Variants in PRG4 observed in about 807,000 individuals in gnomAD.
PRG4 encodes articular superficial zone protein.
A neutral mutation model predicts 91.2 loss-of-function variants in PRG4; 61 were observed. The ratio of observed to expected loss-of-function variants is 0.67; its 90% CI spans 0.54 to 0.83. The LOEUF is 0.83. PRG4 is among the 40% of genes least tolerant of loss of function. The probability of loss-of-function intolerance (pLI) is 0.00; values close to 1 mark genes in which losing one functional copy is unlikely to be tolerated. For missense variants in PRG4, 1,564 were observed against 1,714.2 expected (o/e 0.91, Z 1.55); for synonymous variants, 576 against 614.2 (o/e 0.94, Z 0.92).
intron 6 of PRG4, 116 bp downstream of exon 6, chr1:186,305,038 T>G (rs1286969472): frequency 8.7e-7 from 1 of 1,151,792 alleles, no homozygotes; most frequent in Non-Finnish European, 1.2e-6. Flanking sequence ...GGAATATAAC[T>G]TTATGAATAT....
Position 186,303,995 on chromosome 1 carries a change from A to C in PRG4, c.320-113A>C. ...TCGTGTTGAGCTGGAGCCTGCCTGC[A>C]CTGGCTGTCACCAGCATCTACTCTT... On this transcript the variant is annotated intron_variant, in intron 4 of 12. Transcript: ENST00000445192. 3 of 1,131,426 alleles carry C rather than the reference A, an allele frequency of 2.7e-6. No homozygotes were observed. The East Asian group carries it at 7.1e-5, about 27-fold the overall frequency. 70.1% of individuals were successfully genotyped at this position (1,131,426 alleles called of 1,614,324 possible).
rs769792875 is a variant in PRG4, at chr1:186,311,156, A to T, written c.3622A>T (p.Thr1208Ser). Residue 1208 changes from threonine to serine, a missense_variant, in exon 9 of 13, where the codon ACT becomes TCT. Thr to Ser is a moderately conservative substitution (Grantham distance 58). Transcript: ENST00000445192. Reference protein sequence around the residue: ...VFTRCNCEGKTFFFKDSQYWR... With the variant: ...VFTRCNCEGKSFFFKDSQYWR... Reference sequence around the variant, plus strand: ...TACTAGGTGCAACTGTGAAGGAAAAACTTTCTTCTTTAAGGTAACACAAAT... The same window carrying T: ...TACTAGGTGCAACTGTGAAGGAAAATCTTTCTTCTTTAAGGTAACACAAAT... The T allele has an allele frequency of 1.2e-6, 2 of 1,612,300 alleles. No homozygotes were observed. Among genetic ancestry groups the T allele is most frequent in the East Asian group, 2.2e-5 (1 of 44,842 alleles).
chr1:186,307,148 A>T lies in PRG4; in HGVS notation c.1429A>T (p.Thr477Ser), dbSNP rs746751838. The T allele has an allele frequency of 8.8e-7, 1 of 1,138,480 alleles. No individual in the cohort carries two copies. Among genetic ancestry groups the T allele is most frequent in the Admixed American group, 2.0e-5 (1 of 49,280 alleles). 70.5% of individuals were successfully genotyped at this position (1,138,480 alleles called of 1,614,324 possible). Reference protein sequence around the residue: ...PAPTTKEPAPTTPKEPAPTAP... With the variant: ...PAPTTKEPAPSTPKEPAPTAP... The stretch of plus-strand genomic sequence containing the variant: ...ACCCACCACCAAGGAGCCTGCACCC[A>T]CCACTCCCAAAGAGCCTGCACCCAC... Residue 477 changes from threonine to serine, a missense_variant, in exon 7 of 13, where the codon ACC becomes TCC. Thr to Ser is a moderately conservative substitution (Grantham distance 58). Coordinates refer to ENST00000445192, the MANE Select transcript of PRG4 (RefSeq NM_005807.6).
chr1:186,300,932 T>C (rs564134193), intron 3 of PRG4, among the ~76,000 whole-genome samples: 144 of 152,340 alleles, frequency 9.5e-4, no homozygotes, highest in Admixed American at 2.0e-3. Context: ...GCAATTTATG[T>C]ATTGGATAGG....
At chr1:186,301,762 A>G (rs1547084) in intron 4 of PRG4, 51 bp downstream of exon 4, 510,157 of 1,586,400 alleles carry the variant, frequency 0.32, 85,420 homozygotes, top group Admixed American at 0.41. Context: ...AGATCTGTGC[A>G]CCTACCTTAG....
At chr1:186,310,973 GTTTCT>G in intron 8 of PRG4, 56 bp from the exon 9 acceptor site, 2 of 1,583,258 alleles carry the variant, frequency 1.3e-6, no homozygotes, top group Non-Finnish European at 1.7e-6. Flanking sequence ...TTTCATTTTG[GTTTCT>G]TTTGTGATAG....
chr1:186,303,987 C>G, intron 4 of PRG4, 121 bp from the exon 5 acceptor site: 1 of 1,028,248 alleles, frequency 9.7e-7, no homozygotes, highest in Non-Finnish European at 1.5e-6. Context: ...GAGCTGGAGC[C>G]TGCCTGCACT....
intron 5 of PRG4, 41 bp from the exon 6 acceptor site, chr1:186,304,753 A>T (rs1212045712): frequency 6.3e-7 from 1 of 1,589,474 alleles, no homozygotes. Flanking sequence ...TTTTGTTTTA[A>T]ATCACAGTTG....
intron 8 of PRG4, among the ~76,000 whole-genome samples, chr1:186,310,144 G>T (rs1381378514): frequency 8.1e-6 from 1 of 123,198 alleles, no homozygotes; most frequent in East Asian, 2.8e-4. Flanking sequence ...TTGGGGGGGG[G>T]GGGTAGTTAA....
Position 186,307,672 on chromosome 1 carries a change from C to T in PRG4, c.1953C>T (p.Thr651=). ...APTTPEELAP[T]TPEEPTPTTP... is the part of the protein sequence containing the mutation. ...CCACCCCTGAGGAGCTCGCACCCAC[C>T]ACCCCTGAGGAGCCCACACCCACCA... Residue 651 remains threonine (T), a synonymous_variant, in exon 7 of 13, where the codon ACC becomes ACT. Transcript: ENST00000445192. 6.2e-7 allele frequency: 1 copy of T among 1,605,984 alleles called. No homozygotes were observed. Among genetic ancestry groups the T allele is most frequent in the South Asian group, 1.1e-5 (1 of 90,586 alleles).
At chr1:186,312,742 A>G (rs776117124) in intron 11 of PRG4, 27 bp from the exon 12 acceptor site, 3 of 1,609,112 alleles carry the variant, frequency 1.9e-6, no homozygotes, top group East Asian at 2.2e-5. Context: ...TTAATCTGGT[A>G]TCTTTTATTA....
chr1:186,308,813 A>C lies in PRG4; in HGVS notation c.3094A>C (p.Thr1032Pro). The stretch of plus-strand genomic sequence containing the variant: ...GCCAACCAAAGCACCCAAAAAACCC[A>C]CTTCTACCAAAAAGCCAAAAACAAT... ...QKPTKAPKKP[T>P]STKKPKTMPR... Residue 1032 changes from threonine (T) to proline (P), a missense_variant, in exon 7 of 13, where the codon ACT (threonine) becomes CCT (proline). By Grantham distance (38) the Thr-to-Pro change is conservative. This residue lies in a region of PRG4 where 1,079 missense variants were observed against 1,162.2 expected (regional missense o/e 0.93). Coordinates refer to ENST00000445192, the MANE Select transcript of PRG4 (RefSeq NM_005807.6). 6.2e-7 allele frequency: 1 copy of C among 1,613,888 alleles called. No individual in the cohort carries two copies. The highest frequency in any genetic ancestry group is 8.5e-7 in the Non-Finnish European group (1 of 1,179,972).
chr1:186,309,645 A>G (rs980764887), intron 7 of PRG4, 148 bp from the exon 8 acceptor site: 3 of 664,746 alleles, frequency 4.5e-6, no homozygotes, highest in Non-Finnish European at 8.1e-6. Context: ...ATTATCAAGT[A>G]TATAACTATG....
rs76424996 is a variant in PRG4 at position 186,303,624 on chromosome 1, C to A, written c.320-484C>A. Among the ~76,000 whole-genome samples the A allele has an allele frequency of 3.5e-4, 53 of 151,754 alleles. No individual in the cohort carries two copies. In the East Asian group the frequency reaches 8.7e-3, roughly 25 times the overall value. On this transcript the variant is annotated intron_variant, in intron 4 of 12. Transcript: ENST00000445192. ...ACAATGTGAAGGTGTGAACTTTTCA[C>A]AAGAATATTCATGTAGAACTTTTGT...
chr1:186,300,336 T>A (rs1016037580), intron 3 of PRG4, 123 bp downstream of exon 3: 1 of 1,289,366 alleles, frequency 7.8e-7, no homozygotes, highest in Non-Finnish European at 1.1e-6. Flanking sequence ...CAGTGCTGTT[T>A]TCCCACTGTA....
rs1157647726 is a variant in PRG4 at position 186,313,894 on chromosome 1, T to C, written c.*116T>C. Reference sequence around the variant, plus strand: ...GAGTATACCAGTTTATATATAAAAATGTTTTTAAACTTGACAATCATTACA... The same window carrying C: ...GAGTATACCAGTTTATATATAAAAACGTTTTTAAACTTGACAATCATTACA... On this transcript the variant is annotated 3_prime_UTR_variant, in exon 13 of 13. Transcript: ENST00000445192. The C allele has an allele frequency of 1.3e-5, 20 of 1,534,970 alleles. No individual in the cohort carries two copies. Among genetic ancestry groups the C allele is most frequent in the Non-Finnish European group, 1.7e-5 (19 of 1,110,384 alleles).
chr1:186,310,146 G>GA (rs1220230409), intron 8 of PRG4, among the ~76,000 whole-genome samples: 1 of 109,136 alleles, frequency 9.2e-6, no homozygotes, highest in African/African-American at 3.4e-5. Flanking sequence ...GGGGGGGGGG[G>GA]GTAGTTAAAA....
chr1:186,299,490 G>A (rs554559081), intron 2 of PRG4, among the ~76,000 whole-genome samples: 6 of 152,188 alleles, frequency 3.9e-5, no homozygotes, highest in African/African-American at 1.4e-4. Flanking sequence ...TGGATGGATT[G>A]TTTACTTAAG....
intron 4 of PRG4, among the ~76,000 whole-genome samples, chr1:186,302,955 G>A (rs1238925602): frequency 6.6e-6 from 1 of 152,038 alleles, no homozygotes. Flanking sequence ...TGATGAAGGC[G>A]ATGCTGGCCA....
Sources: gnomAD v4.1 joint callset for allele counts (sites outside exome capture counted in the v4.1 genomes callset) on GRCh38, gnomAD v4.1.1 for gene constraint, gnomAD v4.1.1 regional missense constraint, MANE v1.5 for transcripts, NCBI Gene and HGNC (gene_info 2026-07-23, HGNC 2026-07-21) for gene names.